Variants in LGI3 observed in about 807,000 individuals in gnomAD.
LGI3 encodes the protein leucine-rich repeat LGI family member 3.
A neutral mutation model predicts 55.4 loss-of-function variants in LGI3; 47 were observed. The ratio of observed to expected loss-of-function variants is 0.85; its 90% CI spans 0.67 to 1.08. The LOEUF (loss-of-function observed/expected upper bound fraction) is 1.08, where lower values mean the gene tolerates loss of function less well. Ranked by LOEUF, LGI3 falls within the 50% of genes least tolerant of loss-of-function variation. LGI3 has a pLI of 0.00. For synonymous variants in LGI3, 326 were observed against 315.0 expected (o/e 1.04, Z -0.37); for missense variants, 664 against 726.3 (o/e 0.91, Z 0.99).
At position 22,156,523 on chromosome 8, in the gene LGI3, C is replaced by G. The variant is rs1440460139; in HGVS notation, c.20G>C (p.Arg7Thr). The change falls in exon 1 of 8, where the codon AGG (arginine) becomes ACG (threonine). Residue 7 changes from arginine to threonine, a missense_variant. Transcript: ENST00000306317. MAGLRA[R>T]GGPGPGLLAL... ...CAGCAGCCCCGGCCCCGGGCCCCCC[C>G]TGGCCCGCAGCCCCGCCATGCTGCC... 5.9e-6 allele frequency: 8 copies of G among 1,355,724 alleles called. No individual in the cohort carries two copies. In the African/African-American group the frequency reaches 7.7e-5, roughly 13 times the overall value. 84.0% of individuals were successfully genotyped at this position (1,355,724 alleles called of 1,614,324 possible). A position where few individuals can be genotyped will look rare whatever the true frequency, so the allele number is the denominator to read the frequency against.
Position 22,148,828 on chromosome 8 carries a change from G to C in LGI3, c.979C>G (p.Arg327Gly). The C allele has an allele frequency of 2.5e-6, 4 of 1,614,154 alleles. No individual in the cohort carries two copies. Among genetic ancestry groups the C allele is most frequent in the Non-Finnish European group, 3.4e-6 (4 of 1,180,016 alleles). ...AAGGCTTCTAGGTCGTTAGGCTTGC[G>C]CACGCGCTGCGGGTCAATGTCTTGC... is the stretch of plus-strand genomic sequence containing the variant. ...RLQDIDPQRVRKPNDLEAFRI... is the reference protein window; with the variant it reads ...RLQDIDPQRVGKPNDLEAFRI... Residue 327 changes from arginine to glycine, a missense_variant, in exon 8 of 8, where the codon CGC becomes GGC. By Grantham distance (125) the Arg-to-Gly change is moderately radical. Transcript: ENST00000306317. The surrounding 1 kb of genome is among the most constrained non-coding windows in gnomAD (Gnocchi z 7.0).
intron 7 of LGI3, 61 bp downstream of exon 7, chr8:22,151,428 A>G: frequency 6.6e-7 from 1 of 1,522,236 alleles, no homozygotes; most frequent in South Asian, 1.1e-5. Flanking sequence ...GGGTTGAACG[A>G]TGGAGCCCAC....
intron 5 of LGI3, among the ~76,000 whole-genome samples, chr8:22,152,740 C>CAA (rs558087211): frequency 9.2e-4 from 61 of 66,412 alleles, no homozygotes; most frequent in Middle Eastern, 9.6e-3. Flanking sequence ...GACTCCGTCT[C>CAA]AAAAAAAAAA....
At chr8:22,155,110 C>T (rs1345086773) in intron 2 of LGI3, 6 of 504,208 alleles carry the variant, frequency 1.2e-5, no homozygotes, top group African/African-American at 3.9e-5. Flanking sequence ...CCCAGGCTAT[C>T]GCACCCAATT....
intron 1 of LGI3, 144 bp downstream of exon 1, chr8:22,156,192 TG>T: frequency 1.2e-6 from 1 of 838,184 alleles, no homozygotes; most frequent in Non-Finnish European, 1.9e-6. Context: ...GACTGGTGCC[TG>T]GAATCTCCAG....
Position 22,148,862 on chromosome 8 carries a change from G to A in LGI3, c.945C>T (p.Phe315=). ...IYHWDPNTTR[F]TRLQDIDPQR... ...GCGGGTCAATGTCTTGCAGCCTGGTGAAGCGCGTGGTGTTGGGATCCCAGT... is the reference window on the plus strand; with the variant it reads ...GCGGGTCAATGTCTTGCAGCCTGGTAAAGCGCGTGGTGTTGGGATCCCAGT... Residue 315 remains phenylalanine (F), a synonymous_variant, in exon 8 of 8, where the codon TTC becomes TTT. Coordinates refer to ENST00000306317, the MANE Select transcript of LGI3 (RefSeq NM_139278.4). The surrounding 1 kb of genome is among the most constrained non-coding windows in gnomAD (Gnocchi z 7.0). The A allele has an allele frequency of 6.2e-7, 1 of 1,614,232 alleles. No homozygotes were observed. Among genetic ancestry groups the A allele is most frequent in the South Asian group, 1.1e-5 (1 of 91,088 alleles).
Position 22,154,562 on chromosome 8 carries a change from A to T in LGI3, c.348T>A (p.Tyr116Ter). ...TTGCCCCTTTCCCTCCCACACACAG[A>T]TACTGCAGGTGCGACAGTCCTGTGA... ...NAFTGLSHLQ[Y>*]LFIENNDIWA... Residue 116 changes from tyrosine (Y) to a stop codon, truncating the protein, a stop_gained and splice_region_variant, in exon 3 of 8, where the codon TAT becomes TAA. Coordinates refer to ENST00000306317, the MANE Select transcript of LGI3 (RefSeq NM_139278.4). LOFTEE classifies it high-confidence loss of function. The T allele has an allele frequency of 6.2e-7, 1 of 1,613,688 alleles. No homozygotes were observed. The highest frequency in any genetic ancestry group is 8.5e-7 in the Non-Finnish European group (1 of 1,179,670).
intron 2 of LGI3, chr8:22,154,840 C>A: frequency 1.7e-6 from 1 of 574,066 alleles, no homozygotes; most frequent in South Asian, 2.0e-5. Context: ...CCTGTTGGAT[C>A]CTAAACATGG....
At chr8:22,151,352 A>G in intron 7 of LGI3, 137 bp downstream of exon 7, 1 of 810,872 alleles carries the variant, frequency 1.2e-6, no homozygotes, top group Non-Finnish European at 2.0e-6. Flanking sequence ...CTCTTCCCAA[A>G]GACTGGAAAG....
Position 22,148,702 on chromosome 8 carries a change from C to G in LGI3, c.1105G>C (p.Ala369Pro), listed in dbSNP as rs372420127. 6.2e-7 allele frequency: 1 copy of G among 1,614,156 alleles called. No individual in the cohort carries two copies. Among genetic ancestry groups the G allele is most frequent in the Admixed American group, 1.7e-5 (1 of 60,022 alleles). Residue 369 changes from alanine (A) to proline (P), a missense_variant, in exon 8 of 8, where the codon GCA becomes CCA. Coordinates refer to ENST00000306317, the MANE Select transcript of LGI3 (RefSeq NM_139278.4). The surrounding 1 kb of genome is among the most constrained non-coding windows in gnomAD (Gnocchi z 7.0). ...GTGTCACGGTGCCAGGGGTGCAGTG[C>G]CTGGTGGGAGTAGAAGCCATTCTGG... ...WHQNGFYSHQ[A>P]LHPWHRDTDL... is the part of the protein sequence containing the mutation.
rs897400428 is a variant in LGI3 at position 22,149,051 on chromosome 8, C to G, written c.830-74G>C. 2.9e-6 allele frequency: 3 copies of G among 1,050,320 alleles called. No homozygotes were observed. In the South Asian group the frequency reaches 4.8e-5, roughly 17 times the overall value. 65.1% of individuals were successfully genotyped at this position (1,050,320 alleles called of 1,614,324 possible). A position where few individuals can be genotyped will look rare whatever the true frequency, so the allele number is the denominator to read the frequency against. The stretch of plus-strand genomic sequence containing the variant: ...CTCCATCCAACCCCCTTGGAGAAGG[C>G]CAGTCCCTTCCAAACTTGGGCCAGG... On this transcript the variant is annotated intron_variant, in intron 7 of 7. Coordinates refer to ENST00000306317, the MANE Select transcript of LGI3 (RefSeq NM_139278.4).
rs775164826 is a variant in LGI3, at chr8:22,148,860, G to T, written c.947C>A (p.Thr316Asn). ...YHWDPNTTRF[T>N]RLQDIDPQRV... ...CTGCGGGTCAATGTCTTGCAGCCTG[G>T]TGAAGCGCGTGGTGTTGGGATCCCA... The change falls in exon 8 of 8, where the codon ACC (threonine) becomes AAC (asparagine). Residue 316 changes from threonine to asparagine, a missense_variant. Coordinates refer to ENST00000306317, the MANE Select transcript of LGI3 (RefSeq NM_139278.4). This position sits in a 1 kb window ranked among gnomAD's most constrained non-coding sequence, Gnocchi z 7.0. 6.2e-7 allele frequency: 1 copy of T among 1,614,104 alleles called. No homozygotes were observed. Among genetic ancestry groups the T allele is most frequent in the East Asian group, 2.2e-5 (1 of 44,906 alleles).
At position 22,148,233 on chromosome 8, in the gene LGI3, T is replaced by C. The variant is rs1295653633; in HGVS notation, c.1574A>G (p.Gln525Arg). The C allele has an allele frequency of 3.1e-6, 5 of 1,613,872 alleles. No individual in the cohort carries two copies. In the African/African-American group the frequency reaches 6.7e-5, roughly 22 times the overall value. The change falls in exon 8 of 8, where the codon CAG becomes CGG. Residue 525 changes from glutamine to arginine, a missense_variant. Physicochemically the swap from Gln to Arg is conservative, Grantham distance 43. Coordinates refer to ENST00000306317, the MANE Select transcript of LGI3 (RefSeq NM_139278.4). The surrounding 1 kb of genome is among the most constrained non-coding windows in gnomAD (Gnocchi z 7.0). Reference sequence around the variant, plus strand: ...CTTGAAGCTGGGGGCCAGGAGTAGCTGGGCGTCCCCAGCAGGCATGTAGCA... The same window carrying C: ...CTTGAAGCTGGGGGCCAGGAGTAGCCGGGCGTCCCCAGCAGGCATGTAGCA... The part of the protein sequence containing the change: ...AFCYMPAGDA[Q>R]LLLAPSFKGQ...
intron 5 of LGI3, among the ~76,000 whole-genome samples, chr8:22,153,069 A>T (rs1023539414): frequency 6.1e-4 from 90 of 147,444 alleles, no homozygotes; most frequent in South Asian, 5.3e-3. Context: ...AAAATTTTTT[A>T]AAGTACTTTT....
At chr8:22,152,198 A>C (rs1394062175) in intron 5 of LGI3, among the ~76,000 whole-genome samples, 198 bp from the exon 6 acceptor site, 1 of 152,196 alleles carries the variant, frequency 6.6e-6, no homozygotes, top group Non-Finnish European at 1.5e-5. Context: ...CCAGCAGAGT[A>C]TGGAATCAGT....
intron 5 of LGI3, among the ~76,000 whole-genome samples, chr8:22,153,623 C>T (rs1827408815): frequency 6.6e-6 from 1 of 151,788 alleles, no homozygotes; most frequent in Non-Finnish European, 1.5e-5. Context: ...GGAAGAATCG[C>T]TTGAACCTGA....
Position 22,148,820 on chromosome 8 carries a change from A to C in LGI3, c.987T>G (p.Pro329=), listed in dbSNP as rs753740656. 1 of 1,614,188 alleles carries C rather than the reference A, an allele frequency of 6.2e-7. No homozygotes were observed. The highest frequency in any genetic ancestry group is 8.5e-7 in the Non-Finnish European group (1 of 1,180,026). ...CGATGCGGAAGGCTTCTAGGTCGTT[A>C]GGCTTGCGCACGCGCTGCGGGTCAA... ...QDIDPQRVRK[P]NDLEAFRIDG... is the part of the protein sequence containing the mutation. The change falls in exon 8 of 8, where the codon CCT becomes CCG. Residue 329 remains proline, a synonymous_variant. Coordinates refer to ENST00000306317, the MANE Select transcript of LGI3 (RefSeq NM_139278.4). The surrounding 1 kb of genome is among the most constrained non-coding windows in gnomAD (Gnocchi z 7.0).
chr8:22,154,214 C>T lies in LGI3; in HGVS notation c.351-1G>A, dbSNP rs369866919. ...CCAGATGTCATTGTTCTCAATGAAG[C>T]TGGGGAAAGCGGGAACTTGCCTCAG... On this transcript the variant is annotated splice_acceptor_variant, in intron 3 of 7. Transcript: ENST00000306317. LOFTEE classifies it high-confidence loss of function. 8.1e-6 allele frequency: 13 copies of T among 1,613,648 alleles called. No individual in the cohort carries two copies. Among genetic ancestry groups the T allele is most frequent in the African/African-American group, 1.3e-5 (1 of 74,880 alleles).
chr8:22,148,381 C>G lies in LGI3; in HGVS notation c.1426G>C (p.Gly476Arg). The G allele has an allele frequency of 1.2e-6, 2 of 1,613,462 alleles. No homozygotes were observed. Among genetic ancestry groups the G allele is most frequent in the Non-Finnish European group, 1.7e-6 (2 of 1,179,870 alleles). The change falls in exon 8 of 8, where the codon GGT (glycine) becomes CGT (arginine). Residue 476 changes from glycine (G) to arginine (R), a missense_variant. Physicochemically the swap from Gly to Arg is moderately radical, Grantham distance 125. Coordinates refer to ENST00000306317, the MANE Select transcript of LGI3 (RefSeq NM_139278.4). The surrounding 1 kb of genome is among the most constrained non-coding windows in gnomAD (Gnocchi z 7.0). ...CCCAGTGCCAGGTAGCGGCGGCCACCCACAAGGAAGGGCTGCAGGGCCAGC... is the reference window on the plus strand; with the variant it reads ...CCCAGTGCCAGGTAGCGGCGGCCACGCACAAGGAAGGGCTGCAGGGCCAGC... ...GSLALQPFLV[G>R]GRRYLALGSD...
Sources: allele counts gnomAD v4.1 joint callset (sites outside exome capture counted in the v4.1 genomes callset), GRCh38; gene constraint gnomAD v4.1.1; non-coding constraint Gnocchi (gnomAD v3.1); transcripts MANE v1.5; gene names NCBI Gene and HGNC (gene_info 2026-07-23, HGNC 2026-07-21).